The following SAMSN1 variants were observed in gnomAD, a reference collection of about 807,000 sequenced individuals.
The protein encoded by SAMSN1 is SAM domain-containing protein SAMSN-1.
In SAMSN1, 31 loss-of-function variants were observed where a neutral mutation model predicts 42.0. The observed-to-expected ratio is 0.74, with a 90% CI of 0.55 to 1.00. The LOEUF (loss-of-function observed/expected upper bound fraction) is 1.00. SAMSN1 is among the 50% of genes least tolerant of loss of function. The pLI is 0.00. For missense variants in SAMSN1, 464 were observed against 439.4 expected (o/e 1.06, Z -0.50); for synonymous variants, 178 against 151.9 (o/e 1.17, Z -1.26).
At chr21:14,611,686 C>T (rs962823449) in intron 4 of SAMSN1, among the ~76,000 whole-genome samples, 15 of 152,266 alleles carry the variant, frequency 9.9e-5, no homozygotes, top group Middle Eastern at 3.4e-3. Context: ...TATTTAACAA[C>T]GAGTGACTGC....
At chr21:14,655,452 A>G (rs1983900982) in intron 1 of SAMSN1, among the ~76,000 whole-genome samples, 1 of 151,836 alleles carries the variant, frequency 6.6e-6, no homozygotes, top group Admixed American at 6.6e-5. Flanking sequence ...TAAAATATCA[A>G]CAAAATCAAA....
chr21:14,509,577 C>A (rs913060340), intron 5 of SAMSN1, among the ~76,000 whole-genome samples: 1 of 152,198 alleles, frequency 6.6e-6, no homozygotes, highest in African/African-American at 2.4e-5. Context: ...AATTGCCCTG[C>A]CAAGTCTGGT....
At chr21:14,560,921 A>G (rs1908371627) in intron 2 of SAMSN1, among the ~76,000 whole-genome samples, 1 of 152,178 alleles carries the variant, frequency 6.6e-6, no homozygotes, top group African/African-American at 2.4e-5. Flanking sequence ...TCAGTATTGG[A>G]GGCTAAAAGT....
intron 7 of SAMSN1, among the ~76,000 whole-genome samples, chr21:14,590,799 A>T (rs459962): frequency 6.6e-6 from 1 of 151,994 alleles, no homozygotes; most frequent in Non-Finnish European, 1.5e-5. Flanking sequence ...AAACCCCTAA[A>T]TCTATATCTT....
At chr21:14,490,321 T>A (rs1027468929) in intron 7 of SAMSN1, among the ~76,000 whole-genome samples, 1 of 152,140 alleles carries the variant, frequency 6.6e-6, no homozygotes, top group African/African-American at 2.4e-5. Flanking sequence ...TGAGAATACC[T>A]CTCAGCTCCA....
chr21:14,626,558 A>C (rs1983182496), intron 2 of SAMSN1, among the ~76,000 whole-genome samples: 1 of 152,268 alleles, frequency 6.6e-6, no homozygotes, highest in Non-Finnish European at 1.5e-5. Context: ...AGAGAAATGC[A>C]AATCAAAACC....
intron 2 of SAMSN1, among the ~76,000 whole-genome samples, chr21:14,629,210 C>A (rs1036947523): frequency 2.0e-5 from 3 of 152,090 alleles, no homozygotes; most frequent in South Asian, 2.1e-4. Context: ...TTCTTCAAGC[C>A]CTAATACTAA....
chr21:14,637,256 G>A (rs1305736949), intron 2 of SAMSN1, among the ~76,000 whole-genome samples: 3 of 152,000 alleles, frequency 2.0e-5, no homozygotes, highest in African/African-American at 2.4e-5. Flanking sequence ...TTTCAGCATC[G>A]AACTGAAATG....
At chr21:14,595,990 C>T (rs974879537) in intron 6 of SAMSN1, among the ~76,000 whole-genome samples, 54 of 152,084 alleles carry the variant, frequency 3.6e-4, no homozygotes, top group African/African-American at 1.2e-3. Context: ...TTAGGGAAAT[C>T]AAAAAGTAAA....
chr21:14,594,478 T>C (rs576408566), intron 6 of SAMSN1, among the ~76,000 whole-genome samples: 1 of 152,240 alleles, frequency 6.6e-6, no homozygotes, highest in South Asian at 2.1e-4. Flanking sequence ...CTCTAATCCC[T>C]TAGTGCTCTA....
intron 2 of SAMSN1, chr21:14,619,785 A>AT (rs552993183): frequency 2.1e-4 from 39 of 184,946 alleles, no homozygotes; most frequent in Middle Eastern, 2.3e-3. Flanking sequence ...AGAAAAGTGT[A>AT]TTTTTTTTAA....
chr21:14,538,285 A>G (rs559826765), intron 1 of SAMSN1, among the ~76,000 whole-genome samples: 3 of 152,340 alleles, frequency 2.0e-5, no homozygotes, highest in African/African-American at 4.8e-5. Context: ...AAAGGCAAAC[A>G]TTCAACAAAA....
Position 14,596,229 on chromosome 21 carries a change from GTTTC to G in SAMSN1, c.400-2155_400-2152del, listed in dbSNP as rs547086909. 1.8e-3 allele frequency among the ~76,000 whole-genome samples: 273 copies of G among 151,066 alleles called. 1 individual carries two copies. Among genetic ancestry groups the G allele is most frequent in the Non-Finnish European group, 3.3e-3 (221 of 67,914 alleles). ...GATTTGCATTCCATTTTAATAACCT[GTTTC>G]TTTAATACCAACAAAAGCCACTCTT... On this transcript the variant is annotated intron_variant, in intron 6 of 15. Coordinates refer to the SAMSN1 transcript ENST00000647101.
At chr21:14,550,868 ACATATCATG>A (rs773363732), upstream of SAMSN1, among the ~76,000 whole-genome samples, 8 of 152,124 alleles carry the variant, frequency 5.3e-5, no homozygotes, top group Non-Finnish European at 1.2e-4. Flanking sequence ...ATGGAGATGA[ACATATCATG>A]CAAATTTTAG....
intron 3 of SAMSN1, among the ~76,000 whole-genome samples, chr21:14,515,783 T>C (rs940892096): frequency 3.0e-4 from 46 of 152,034 alleles, no homozygotes; most frequent in African/African-American, 1.1e-3. Flanking sequence ...ATAAAAAACA[T>C]TTAAAACTCA....
rs140326908 is a variant in SAMSN1 at position 14,561,901 on chromosome 21, G to A, written c.261+20235C>T. On this transcript the variant is annotated intron_variant, in intron 2 of 8. Coordinates refer to the SAMSN1 transcript ENST00000285670. The stretch of plus-strand genomic sequence containing the variant: ...GAATCAAGGAATGCCTAATGCCCAG[G>A]GCTATCAGAAGCTGGAAGAAACAAG... Among the ~76,000 whole-genome samples the A allele has an allele frequency of 3.5e-3, 528 of 152,278 alleles. 7 individuals are homozygous for A. Among genetic ancestry groups the A allele is most frequent in the Non-Finnish European group, 2.4e-3 (162 of 68,028 alleles).
intron 5 of SAMSN1, chr21:14,602,139 A>C: frequency 1.9e-6 from 1 of 529,406 alleles, no homozygotes; most frequent in East Asian, 3.0e-5. Flanking sequence ...AATATCAGAC[A>C]TTACAGGATT....
At chr21:14,507,910 A>C (rs1230553387) in intron 5 of SAMSN1, among the ~76,000 whole-genome samples, 1 of 152,066 alleles carries the variant, frequency 6.6e-6, no homozygotes, top group Non-Finnish European at 1.5e-5. Context: ...CACATACTTA[A>C]CGGCCAACTG....
intron 1 of SAMSN1, among the ~76,000 whole-genome samples, chr21:14,537,509 A>C (rs1192545009): frequency 6.6e-6 from 1 of 152,232 alleles, no homozygotes; most frequent in East Asian, 1.9e-4. Context: ...TATTGTCCAT[A>C]ATAAGCATTT....
Sources: allele counts gnomAD v4.1 joint callset (sites outside exome capture counted in the v4.1 genomes callset), GRCh38; gene constraint gnomAD v4.1.1; transcripts MANE v1.5; gene names NCBI Gene and HGNC (gene_info 2026-07-23, HGNC 2026-07-21).